CORO7: variants seen among roughly 807,000 people sequenced by gnomAD.
CORO7 encodes coronin 7.
Under a neutral mutation model 126.6 loss-of-function variants are expected in CORO7, and 107 were observed. The ratio of observed to expected loss-of-function variants is 0.85; its 90% CI spans 0.72 to 0.99. The LOEUF (loss-of-function observed/expected upper bound fraction) is 0.99. Ranked by LOEUF, CORO7 falls within the 50% of genes least tolerant of loss-of-function variation. The pLI is 0.00. For missense variants in CORO7, 1,314 were observed against 1,255.8 expected (o/e 1.05, Z -0.70); for synonymous variants, 603 against 536.8 (o/e 1.12, Z -1.70).
rs2054158615 is a variant in CORO7, at chr16:4,360,962, A to G, written c.1898T>C (p.Leu633Pro). Reference sequence around the variant, plus strand: ...TCCTACCTGGTCTTGGTGGCCCTGCAGCTTCAGCCGATCAGCTCCAGCCTG... The same window carrying G: ...TCCTACCTGGTCTTGGTGGCCCTGCGGCTTCAGCCGATCAGCTCCAGCCTG... ...DLQAGADRLKLQGHQDQIFSL... is the reference protein window; with the variant it reads ...DLQAGADRLKPQGHQDQIFSL... Residue 633 changes from leucine (L) to proline (P), a missense_variant, in exon 19 of 28, where the codon CTG (leucine) becomes CCG (proline). Coordinates refer to ENST00000251166, the MANE Select transcript of CORO7 (RefSeq NM_024535.5). The G allele has an allele frequency of 6.2e-7, 1 of 1,611,930 alleles. No individual in the cohort carries two copies. The highest frequency in any genetic ancestry group is 8.5e-7 in the Non-Finnish European group (1 of 1,179,982).
At chr16:4,408,036 A>G in intron 4 of CORO7, 145 bp downstream of exon 4, 1 of 1,276,224 alleles carries the variant, frequency 7.8e-7, no homozygotes, top group Non-Finnish European at 1.1e-6. Context: ...TGGGACCAGG[A>G]ATTCAGACCA....
chr16:4,359,146 T>C (rs1176740642), intron 23 of CORO7, 150 bp downstream of exon 23: 1 of 810,220 alleles, frequency 1.2e-6, no homozygotes, highest in African/African-American at 1.7e-5. Context: ...CAGCAACTCT[T>C]CTTGCCAGTC....
intron 9 of CORO7, among the ~76,000 whole-genome samples, chr16:4,372,228 G>A (rs1002452821): frequency 1.3e-5 from 2 of 152,176 alleles, no homozygotes; most frequent in African/African-American, 4.8e-5. Flanking sequence ...CTGAGTGTGC[G>A]GTGAGCCCGC....
At chr16:4,357,314 T>C (rs2054006610) in intron 25 of CORO7, 55 bp from the exon 26 acceptor site, 11 of 1,483,312 alleles carry the variant, frequency 7.4e-6, no homozygotes, top group Non-Finnish European at 9.1e-6. Flanking sequence ...GGCTCTTTGG[T>C]GCCAAGCCCT....
rs1465586413 is a variant in CORO7, at chr16:4,388,650, G to T, written c.616-19C>A. On this transcript the variant is annotated intron_variant, in intron 7 of 27. Transcript: ENST00000251166. ...GCGTGCTCTGCAGGAGGCAAGAGGTGGACCTGAGCCCCCAGGGCCCTGCTG... is the reference window on the plus strand; with the variant it reads ...GCGTGCTCTGCAGGAGGCAAGAGGTTGACCTGAGCCCCCAGGGCCCTGCTG... The T allele has an allele frequency of 6.9e-6, 11 of 1,604,980 alleles. No homozygotes were observed. The highest frequency in any genetic ancestry group is 8.5e-6 in the Non-Finnish European group (10 of 1,177,126).
intron 9 of CORO7, among the ~76,000 whole-genome samples, chr16:4,367,262 G>A (rs944905461): frequency 4.6e-5 from 7 of 152,180 alleles, no homozygotes; most frequent in African/African-American, 9.7e-5. Context: ...AGGTGGAGGC[G>A]GAGGCGGAGG....
At chr16:4,379,941 C>G (rs2054892926) in intron 9 of CORO7, among the ~76,000 whole-genome samples, 1 of 148,956 alleles carries the variant, frequency 6.7e-6, no homozygotes, top group Non-Finnish European at 1.5e-5. Context: ...ACCTGTAGTC[C>G]CAGCTACATG....
chr16:4,385,867 A>C (rs1225201306), intron 9 of CORO7, among the ~76,000 whole-genome samples: 1 of 152,238 alleles, frequency 6.6e-6, no homozygotes, highest in Non-Finnish European at 1.5e-5. Context: ...TGTTCTGCCC[A>C]AGCCAAGATG....
rs1238127837 is a variant in CORO7 at position 4,361,019 on chromosome 16, G to C, written c.1841C>G (p.Ser614Cys). 2.5e-6 allele frequency: 4 copies of C among 1,613,330 alleles called. No individual in the cohort carries two copies. Among genetic ancestry groups the C allele is most frequent in the Non-Finnish European group, 1.7e-6 (2 of 1,180,012 alleles). The change falls in exon 19 of 28, where the codon TCC becomes TGC. Residue 614 changes from serine to cysteine, a missense_variant. Physicochemically the swap from Ser to Cys is moderately radical, Grantham distance 112. Coordinates refer to ENST00000251166, the MANE Select transcript of CORO7 (RefSeq NM_024535.5). ...CCAGATGCGAACAGTGAGGTCATAG[G>C]AGGACGAGGCCAGCACATTGGCTGC... ...PLAANVLASS[S>C]YDLTVRIWDL...
chr16:4,391,963 C>A (rs112846538), intron 7 of CORO7, among the ~76,000 whole-genome samples: 1,542 of 152,294 alleles, frequency 0.01, 31 homozygotes, highest in African/African-American at 0.036. Flanking sequence ...ATCACCATGG[C>A]GACACTTCCT....
At position 4,376,992 on chromosome 16, in the gene CORO7, C is replaced by A. The variant is rs186332696; in HGVS notation, c.785+10994G>T. 7.2e-4 allele frequency among the ~76,000 whole-genome samples: 109 copies of A among 152,328 alleles called. 1 individual carries two copies. The East Asian group carries it at 0.02, about 28-fold the overall frequency. On this transcript the variant is annotated intron_variant, in intron 9 of 27. Transcript: ENST00000251166. ...ATGTTTACCGACCACTTGGCAAGTG[C>A]TCCGAGCACAGACCAAGTCACCCCA...
intron 9 of CORO7, among the ~76,000 whole-genome samples, chr16:4,383,739 G>A (rs2055089711): frequency 6.6e-6 from 1 of 152,226 alleles, no homozygotes; most frequent in Non-Finnish European, 1.5e-5. Flanking sequence ...ACAAGAACGG[G>A]TCAGGGAGCC....
intron 9 of CORO7, among the ~76,000 whole-genome samples, chr16:4,386,243 T>C (rs2055189540): frequency 6.6e-6 from 1 of 152,236 alleles, no homozygotes; most frequent in African/African-American, 2.4e-5. Context: ...GAGGCTATTC[T>C]TAACTGTGGT....
rs751063105 is a variant in CORO7, at chr16:4,416,570, T to C, written c.-52A>G. On this transcript the variant is annotated 5_prime_UTR_variant, in exon 1 of 28. Transcript: ENST00000251166. Reference sequence around the variant, plus strand: ...CTTCGAGGACCCCGGGCGTCGGGTCTCAGGTGCACGCTGAGCAACCGCGAC... The same window carrying C: ...CTTCGAGGACCCCGGGCGTCGGGTCCCAGGTGCACGCTGAGCAACCGCGAC... 1.9e-6 allele frequency: 3 copies of C among 1,564,180 alleles called. No homozygotes were observed. Among genetic ancestry groups the C allele is most frequent in the Non-Finnish European group, 1.7e-6 (2 of 1,159,864 alleles).
intron 2 of CORO7, 86 bp downstream of exon 2, chr16:4,413,222 C>T: frequency 1.4e-6 from 2 of 1,393,152 alleles, no homozygotes; most frequent in Non-Finnish European, 2.0e-6. Context: ...TCCAAATACA[C>T]CAAGCCTGCC....
intron 24 of CORO7, 103 bp from the exon 25 acceptor site, chr16:4,358,206 A>G (rs2054042069): frequency 1.8e-5 from 28 of 1,542,542 alleles, no homozygotes; most frequent in Non-Finnish European, 2.5e-5. Context: ...CCCTCCCACC[A>G]GCCTGGGGCT....
At chr16:4,398,074 C>T (rs76628247) in intron 6 of CORO7, among the ~76,000 whole-genome samples, 2 of 152,128 alleles carry the variant, frequency 1.3e-5, no homozygotes, top group East Asian at 3.9e-4. Context: ...AGCCACCAGG[C>T]CCTGCTAATG....
In CORO7 at chr16:4,359,279, C is replaced by T. The variant is rs367550652; in HGVS notation, c.2340+17G>A. ...CCTTGTGGTCCCATCGGGGACGAGG[C>T]GCCAGGGTGGCCTCACCTTGTGGGG... is the stretch of plus-strand genomic sequence containing the variant. On this transcript the variant is annotated intron_variant, in intron 23 of 27. Transcript: ENST00000251166. The T allele has an allele frequency of 3.6e-4, 578 of 1,584,682 alleles. 9 individuals carry two copies. The South Asian group carries it at 5.7e-3, about 16-fold the overall frequency.
chr16:4,381,978 GC>G, intron 9 of CORO7: 1 of 1,607,994 alleles, frequency 6.2e-7, no homozygotes. Context: ...TGGTGCGGGA[GC>G]CCACAGCCTT....
Sources: allele counts gnomAD v4.1 joint callset (sites outside exome capture counted in the v4.1 genomes callset), GRCh38; gene constraint gnomAD v4.1.1; transcripts MANE v1.5; gene names NCBI Gene and HGNC (gene_info 2026-07-23, HGNC 2026-07-21).